Variants in IDO2 observed in about 807,000 individuals in gnomAD.
IDO2 encodes indoleamine 2,3-dioxygenase-like 1 protein.
Under a neutral mutation model 45.1 loss-of-function variants are expected in IDO2, and 46 were observed. The ratio of observed to expected loss-of-function variants is 1.02; its 90% confidence interval spans 0.80 to 1.30. The LOEUF is 1.30. IDO2 is among the 50% of genes most tolerant of loss of function. IDO2 has a pLI of 0.00. For synonymous variants in IDO2, 218 were observed against 184.9 expected (o/e 1.18, Z -1.45); for missense variants, 544 against 491.8 (o/e 1.11, Z -1.00).
At chr8:40,012,213 A>T (rs1489310305) in intron 9 of IDO2, among the ~76,000 whole-genome samples, 1 of 152,346 alleles carries the variant, frequency 6.6e-6, no homozygotes, top group East Asian at 1.9e-4. Flanking sequence ...TATAGAAAAA[A>T]AATGTGCAAC....
intron 1 of IDO2, among the ~76,000 whole-genome samples, chr8:39,935,691 C>T (rs1807535519): frequency 6.6e-6 from 1 of 152,166 alleles, no homozygotes; most frequent in African/African-American, 2.4e-5. Flanking sequence ...CTCAAGTGAT[C>T]CACCTGCTTT....
intron 1 of IDO2, among the ~76,000 whole-genome samples, chr8:39,935,554 ATTC>A (rs1807532961): frequency 1.3e-5 from 2 of 152,006 alleles, no homozygotes; most frequent in African/African-American, 2.4e-5. Context: ...GGTTCAAGCA[ATTC>A]TTCTGCCACA....
intron 6 of IDO2, chr8:39,987,027 T>G (rs917427441): frequency 6.6e-6 from 1 of 152,164 alleles, no homozygotes; most frequent in Non-Finnish European, 1.5e-5. Flanking sequence ...TTTTTGTATT[T>G]TTAGTAGAGA....
rs993175073 is a variant in IDO2 at position 40,012,403 on chromosome 8, A to G, written c.720-1162A>G. Among the ~76,000 whole-genome samples, 9 of 152,340 alleles carry G rather than the reference A, an allele frequency of 5.9e-5. No homozygotes were observed. The East Asian group carries it at 9.6e-4, about 16-fold the overall frequency. On this transcript the variant is annotated intron_variant, in intron 9 of 10. Coordinates refer to ENST00000502986, the Ensembl canonical transcript of IDO2. ...TCTGGTTCTATCATCCTTTAACAGT[A>G]TGACCCTGGAACCTTAATTGCTTTG...
chr8:39,970,285 C>T (rs1808158851), intron 3 of IDO2, among the ~76,000 whole-genome samples: 1 of 152,228 alleles, frequency 6.6e-6, no homozygotes. Flanking sequence ...CATAAAAGTG[C>T]AAGGTGAAGC....
At chr8:39,978,318 C>T (rs1808292630) in intron 3 of IDO2, among the ~76,000 whole-genome samples, 1 of 152,182 alleles carries the variant, frequency 6.6e-6, no homozygotes, top group African/African-American at 2.4e-5. Flanking sequence ...CAGTCTGTGT[C>T]TAGAGCTGGG....
intron 3 of IDO2, among the ~76,000 whole-genome samples, chr8:39,978,059 ACCCC>A (rs755778682): frequency 4.7e-4 from 71 of 152,226 alleles, no homozygotes; most frequent in Non-Finnish European, 9.1e-4. Context: ...GTATTTTAGA[ACCCC>A]TGGGGATGGT....
At chr8:39,991,015 C>A (rs1339909434) in intron 8 of IDO2, among the ~76,000 whole-genome samples, 1 of 152,004 alleles carries the variant, frequency 6.6e-6, no homozygotes, top group Non-Finnish European at 1.5e-5. Flanking sequence ...TGCTTCCCTG[C>A]AGGAAAGAAA....
At chr8:39,941,024 C>T (rs1169439097) in intron 1 of IDO2, among the ~76,000 whole-genome samples, 2 of 150,904 alleles carry the variant, frequency 1.3e-5, no homozygotes, top group African/African-American at 2.4e-5. Context: ...AGTTCCAGAC[C>T]AGCCTGGCCA....
intron 9 of IDO2, among the ~76,000 whole-genome samples, chr8:40,009,001 A>ATT (rs1239819463): frequency 3.7e-5 from 5 of 134,906 alleles, no homozygotes; most frequent in East Asian, 2.0e-4. Context: ...TTGATTTATT[A>ATT]TTTATATTTA....
At chr8:39,953,968 G>A (rs1482392572) in intron 2 of IDO2, among the ~76,000 whole-genome samples, 1 of 152,158 alleles carries the variant, frequency 6.6e-6, no homozygotes, top group South Asian at 2.1e-4. Flanking sequence ...GAGATCGATT[G>A]CCATCTAACC....
chr8:39,994,105 T>A (rs1240346729), intron 8 of IDO2, among the ~76,000 whole-genome samples: 1 of 152,148 alleles, frequency 6.6e-6, no homozygotes, highest in Non-Finnish European at 1.5e-5. Flanking sequence ...AATAAAAATA[T>A]ACATATTTAG....
chr8:39,936,296 C>A (rs527774574), intron 1 of IDO2, among the ~76,000 whole-genome samples: 1 of 152,004 alleles, frequency 6.6e-6, no homozygotes, highest in Non-Finnish European at 1.5e-5. Flanking sequence ...CAAAAACTAT[C>A]CAAAAGAGAT....
At chr8:39,962,800 C>T (rs1808020107) in intron 2 of IDO2, among the ~76,000 whole-genome samples, 1 of 152,134 alleles carries the variant, frequency 6.6e-6, no homozygotes. Context: ...TGTGCCCAAG[C>T]AAACCATAGG....
intron 1 of IDO2, among the ~76,000 whole-genome samples, chr8:39,941,348 A>G (rs1012826754): frequency 1.8e-4 from 28 of 152,130 alleles, no homozygotes; most frequent in African/African-American, 6.0e-4. Flanking sequence ...TTGGAAAAAT[A>G]CTATGAATAA....
intron 8 of IDO2, among the ~76,000 whole-genome samples, chr8:39,994,825 A>T (rs1802009456): frequency 6.6e-6 from 1 of 152,208 alleles, no homozygotes; most frequent in African/African-American, 2.4e-5. Flanking sequence ...AAACCTTCAG[A>T]TTAATTAACA....
intron 9 of IDO2, among the ~76,000 whole-genome samples, chr8:40,009,843 C>T (rs1445250784): frequency 4.6e-5 from 7 of 152,158 alleles, no homozygotes; most frequent in Admixed American, 3.9e-4. Context: ...TTTAAGTTGG[C>T]CACGTTCTTT....
At chr8:40,004,893 C>T (rs1345730788) in intron 8 of IDO2, among the ~76,000 whole-genome samples, 2 of 152,170 alleles carry the variant, frequency 1.3e-5, no homozygotes, top group Admixed American at 1.3e-4. Context: ...GCTCTTGTAT[C>T]CTTCACTGAA....
intron 8 of IDO2, chr8:39,998,614 C>A (rs1802085972): frequency 6.7e-6 from 1 of 149,966 alleles, no homozygotes; most frequent in Non-Finnish European, 1.5e-5. Context: ...CCCTCCCTCC[C>A]ATGTTAATGC....
Sources: gnomAD v4.1 joint callset for allele counts (sites outside exome capture counted in the v4.1 genomes callset) on GRCh38, gnomAD v4.1.1 for gene constraint, MANE v1.5 for transcripts, NCBI Gene and HGNC (gene_info 2026-07-23, HGNC 2026-07-21) for gene names.